Variants in COL5A2 observed in about 807,000 individuals in gnomAD.
The protein encoded by COL5A2 is collagen type V alpha 2 chain.
COL5A2 carries 23 observed loss-of-function variants against 208.2 expected under a neutral mutation model. The observed-to-expected ratio is 0.11, with a 90% CI of 0.08 to 0.16. The LOEUF is 0.16. Among genes scored for constraint, COL5A2 ranks in the 10% least tolerant of loss-of-function variants. The probability of loss-of-function intolerance (pLI) is 1.00; values close to 1 mark genes in which losing one functional copy is unlikely to be tolerated. For synonymous variants in COL5A2, 625 were observed against 628.5 expected, an observed-to-expected ratio of 0.99 and a Z score of 0.08; for missense variants, 1,590 against 1,956.4, an observed-to-expected ratio of 0.81 and a Z score of 3.53.
At chr2:189,096,635 A>AAAG (rs1272646677) in intron 6 of COL5A2, among the ~76,000 whole-genome samples, 4 of 151,634 alleles carry the variant, frequency 2.6e-5, no homozygotes, top group African/African-American at 9.7e-5. Context: ...AAAAAAAAAA[A>AAAG]AAAGAAAAAA....
chr2:189,036,887 G>C lies in COL5A2; in HGVS notation c.3926-84C>G, dbSNP rs548859699. 4.4e-5 allele frequency: 47 copies of C among 1,066,592 alleles called. No individual in the cohort carries two copies. The African/African-American group carries it at 7.1e-4, about 16-fold the overall frequency. 66.1% of individuals were successfully genotyped at this position (1,066,592 alleles called of 1,614,324 possible). A position where few individuals can be genotyped will look rare whatever the true frequency, so the allele number is the denominator to read the frequency against. ...CTCCAAAAGAATTAACAGAGGGTTT[G>C]AAAATATACACTCACTGATTAAGGA... On this transcript the variant is annotated intron_variant, in intron 51 of 53. Transcript: ENST00000374866.
chr2:189,308,826 CA>C, the COL5A2 span, among the ~76,000 whole-genome samples: 1 of 152,164 alleles, frequency 6.6e-6, no homozygotes, highest in East Asian at 1.9e-4. Flanking sequence ...TCATGTTACA[CA>C]CATTGACTGA....
the COL5A2 span, among the ~76,000 whole-genome samples, chr2:189,270,587 C>A: frequency 7.2e-5 from 11 of 152,028 alleles, no homozygotes; most frequent in Non-Finnish European, 1.3e-4. Context: ...TGTGGTCTGA[C>A]AGACTGTTTG....
At chr2:189,276,777 T>C in the COL5A2 span, among the ~76,000 whole-genome samples, 1 of 152,198 alleles carries the variant, frequency 6.6e-6, no homozygotes, top group African/African-American at 2.4e-5. Context: ...TTTTCTCTTT[T>C]GCAATGATGT....
rs1330302453 is a variant in COL5A2 at position 189,075,517 on chromosome 2, T to C, written c.1060-80A>G. 4.5e-6 allele frequency: 5 copies of C among 1,108,650 alleles called. No homozygotes were observed. In the African/African-American group the frequency reaches 7.8e-5, roughly 17 times the overall value. 68.7% of individuals were successfully genotyped at this position (1,108,650 alleles called of 1,614,324 possible). On this transcript the variant is annotated intron_variant, in intron 16 of 53. Transcript: ENST00000374866. Reference sequence around the variant, plus strand: ...TTCTCTTATTTGCCTTATAAAAAATTTCCATATTGCAAATTGAAGAATAAA... The same window carrying C: ...TTCTCTTATTTGCCTTATAAAAAATCTCCATATTGCAAATTGAAGAATAAA...
the COL5A2 span, among the ~76,000 whole-genome samples, chr2:189,299,616 A>G: frequency 6.6e-6 from 1 of 152,206 alleles, no homozygotes; most frequent in Non-Finnish European, 1.5e-5. Context: ...GAAGATACCA[A>G]GAAGTTATGG....
the COL5A2 span, among the ~76,000 whole-genome samples, chr2:189,316,502 A>T: frequency 2.0e-5 from 3 of 152,136 alleles, no homozygotes; most frequent in Non-Finnish European, 4.4e-5. Flanking sequence ...GAAGGAAAAA[A>T]ATTAAAATGT....
chr2:189,275,033 GA>G, the COL5A2 span, among the ~76,000 whole-genome samples: 1 of 151,826 alleles, frequency 6.6e-6, no homozygotes, highest in Admixed American at 6.6e-5. Context: ...ATTATTTCTA[GA>G]AAAAAGGATC....
chr2:189,400,024 T>C, the COL5A2 span, among the ~76,000 whole-genome samples: 1 of 152,208 alleles, frequency 6.6e-6, no homozygotes, highest in Non-Finnish European at 1.5e-5. Flanking sequence ...AAGTCAACTA[T>C]CAGATTTATT....
At chr2:189,167,615 C>T (rs1000890327) in intron 1 of COL5A2, among the ~76,000 whole-genome samples, 1 of 147,128 alleles carries the variant, frequency 6.8e-6, no homozygotes, top group African/African-American at 2.5e-5. Context: ...ATCTCATCAA[C>T]AATTATCAAA....
At chr2:189,164,224 T>C (rs187562960) in intron 1 of COL5A2, among the ~76,000 whole-genome samples, 1 of 152,300 alleles carries the variant, frequency 6.6e-6, no homozygotes, top group East Asian at 1.9e-4. Flanking sequence ...AACTTTGAAT[T>C]TGAGACAAGC....
At chr2:189,038,069 G>A (rs1054227481) in intron 51 of COL5A2, among the ~76,000 whole-genome samples, 2 of 152,058 alleles carry the variant, frequency 1.3e-5, no homozygotes, top group African/African-American at 4.8e-5. Context: ...AGGGGTACCT[G>A]TGCAGATTTG....
At chr2:189,114,149 T>C (rs919762131) in intron 1 of COL5A2, among the ~76,000 whole-genome samples, 2 of 152,226 alleles carry the variant, frequency 1.3e-5, no homozygotes, top group African/African-American at 4.8e-5. Flanking sequence ...GGAATGCTTT[T>C]AAATAGCAAG....
At chr2:189,066,576 T>C in intron 22 of COL5A2, 79 bp from the exon 23 acceptor site, 2 of 1,469,252 alleles carry the variant, frequency 1.4e-6, no homozygotes. Flanking sequence ...TTTAACGAAG[T>C]CAGTCACAAA....
chr2:189,273,041 G>T, the COL5A2 span, among the ~76,000 whole-genome samples: 2 of 152,128 alleles, frequency 1.3e-5, no homozygotes, highest in African/African-American at 4.8e-5. Context: ...AGGAAAGACA[G>T]ATTTCAAACT....
At chr2:189,292,245 G>GA in the COL5A2 span, among the ~76,000 whole-genome samples, 1 of 152,088 alleles carries the variant, frequency 6.6e-6, no homozygotes, top group African/African-American at 2.4e-5. Context: ...TTTGAAGTGA[G>GA]AAAAAAATCT....
chr2:189,389,030 C>T, the COL5A2 span, among the ~76,000 whole-genome samples: 24 of 152,014 alleles, frequency 1.6e-4, no homozygotes, highest in Admixed American at 1.3e-4. Context: ...AGGTATCACC[C>T]GGTTCTAATG....
intron 3 of COL5A2, among the ~76,000 whole-genome samples, chr2:189,101,337 C>T (rs1048971653): frequency 1.3e-5 from 2 of 151,806 alleles, no homozygotes; most frequent in Non-Finnish European, 2.9e-5. Flanking sequence ...TTTTAAAAAA[C>T]CCTAAATATC....
intron 1 of COL5A2, among the ~76,000 whole-genome samples, chr2:189,128,077 G>A (rs1173991078): frequency 2.6e-5 from 4 of 152,036 alleles, no homozygotes; most frequent in Non-Finnish European, 5.9e-5. Context: ...GCAGCAATTA[G>A]TTGAGCCTAT....
Sources: allele counts gnomAD v4.1 joint callset (sites outside exome capture counted in the v4.1 genomes callset), GRCh38; gene constraint gnomAD v4.1.1; transcripts MANE v1.5; gene names NCBI Gene and HGNC (gene_info 2026-07-23, HGNC 2026-07-21).